Variants in AGBL1 observed in about 807,000 individuals in gnomAD.
AGBL1 encodes cytosolic carboxypeptidase 4.
Under a neutral mutation model 118.9 loss-of-function variants are expected in AGBL1, and 130 were observed. That is an observed-to-expected ratio of 1.09 (90% CI 0.95 to 1.26). AGBL1 has a LOEUF of 1.26. AGBL1 is among the 50% of genes most tolerant of loss of function. AGBL1 has a pLI of 0.00. For synonymous variants in AGBL1, 555 were observed against 478.9 expected (o/e 1.16, Z -2.08); for missense variants, 1,584 against 1,298.1 (o/e 1.22, Z -3.38).
chr15:86,209,088 A>C (rs1047458141), intron 5 of AGBL1, among the ~76,000 whole-genome samples: 1 of 152,184 alleles, frequency 6.6e-6, no homozygotes, highest in Non-Finnish European at 1.5e-5. Context: ...GTAGTCATTC[A>C]GGAGCAGGTT....
intron 21 of AGBL1, among the ~76,000 whole-genome samples, chr15:86,643,577 G>A (rs910094721): frequency 2.6e-5 from 4 of 151,818 alleles, no homozygotes; most frequent in Admixed American, 6.6e-5. Context: ...TAATTTTGGG[G>A]TTTTGTCTAT....
intron 22 of AGBL1, among the ~76,000 whole-genome samples, chr15:86,683,656 A>G (rs1596366685): frequency 6.6e-6 from 1 of 152,138 alleles, no homozygotes; most frequent in African/African-American, 2.4e-5. Context: ...AACTATAAAT[A>G]CCTGAAAATA....
At chr15:86,280,134 C>T (rs1314334213) in intron 16 of AGBL1, among the ~76,000 whole-genome samples, 4 of 147,730 alleles carry the variant, frequency 2.7e-5, no homozygotes, top group Non-Finnish European at 5.9e-5. Context: ...CAACACCATA[C>T]AAGTAAGCTG....
Position 86,908,395 on chromosome 15 carries a change from G to C in AGBL1, c.*1101G>C, listed in dbSNP as rs2080309222. 6.6e-6 allele frequency: 1 copy of C among 152,188 alleles called. No homozygotes were observed. The highest frequency in any genetic ancestry group is 2.4e-5 in the African/African-American group (1 of 41,428). 9.4% of individuals were successfully genotyped at this position (152,188 alleles called of 1,614,324 possible). A position where few individuals can be genotyped will look rare whatever the true frequency, so the allele number is the denominator to read the frequency against. On this transcript the variant is annotated 3_prime_UTR_variant, in exon 23 of 23. Coordinates refer to ENST00000614907, the MANE Select transcript of AGBL1 (RefSeq NM_001386094.1). ...GTGGTGGCGCACACCTGTAATCCCA[G>C]CTACTTGGGAGGCTGAGAAAGGAGA...
At chr15:86,191,008 A>C (rs922078520) in intron 5 of AGBL1, among the ~76,000 whole-genome samples, 1 of 152,148 alleles carries the variant, frequency 6.6e-6, no homozygotes, top group Non-Finnish European at 1.5e-5. Flanking sequence ...ATGCCAAAAC[A>C]ACAGAATGAG....
chr15:86,670,233 C>T (rs2085716945), intron 21 of AGBL1, among the ~76,000 whole-genome samples: 1 of 152,046 alleles, frequency 6.6e-6, no homozygotes, highest in Non-Finnish European at 1.5e-5. Flanking sequence ...CCCTGAAGGT[C>T]TCGATTAATT....
intron 21 of AGBL1, among the ~76,000 whole-genome samples, chr15:86,639,647 G>T (rs1255018972): frequency 1.3e-5 from 2 of 152,064 alleles, no homozygotes; most frequent in African/African-American, 2.4e-5. Context: ...CGGGTCTCTT[G>T]TCCTTTCTTC....
chr15:86,782,761 A>G (rs2078352807), intron 22 of AGBL1, among the ~76,000 whole-genome samples: 1 of 152,196 alleles, frequency 6.6e-6, no homozygotes, highest in African/African-American at 2.4e-5. Flanking sequence ...CATTTTTATA[A>G]ATGTTGAGAT....
At chr15:86,404,274 A>C (rs2081490903) in intron 18 of AGBL1, among the ~76,000 whole-genome samples, 1 of 151,874 alleles carries the variant, frequency 6.6e-6, no homozygotes, top group Non-Finnish European at 1.5e-5. Context: ...GATCCTGGAC[A>C]CTCTACCTTG....
At chr15:86,154,877 C>A (rs1242254607) in intron 4 of AGBL1, among the ~76,000 whole-genome samples, 1 of 152,126 alleles carries the variant, frequency 6.6e-6, no homozygotes, top group Non-Finnish European at 1.5e-5. Context: ...AGGTCTGTGA[C>A]AGGAGAAGGG....
chr15:86,951,238 T>G (rs2080877817), intron 23 of AGBL1, among the ~76,000 whole-genome samples: 1 of 152,216 alleles, frequency 6.6e-6, no homozygotes, highest in Non-Finnish European at 1.5e-5. Context: ...AGTGGAACTA[T>G]GAACTGGCAC....
At chr15:86,998,021 C>A (rs1472233703) in intron 24 of AGBL1, among the ~76,000 whole-genome samples, 1 of 150,906 alleles carries the variant, frequency 6.6e-6, no homozygotes, top group African/African-American at 2.4e-5. Flanking sequence ...ACACATTGAG[C>A]TATGTATATA....
chr15:86,160,327 A>G (rs775640007), intron 5 of AGBL1, among the ~76,000 whole-genome samples: 3 of 152,138 alleles, frequency 2.0e-5, no homozygotes, highest in Admixed American at 2.0e-4. Context: ...TCTGTCTTAA[A>G]TTTACATTTA....
At chr15:86,886,788 C>T (rs2079976738) in intron 22 of AGBL1, among the ~76,000 whole-genome samples, 2 of 152,104 alleles carry the variant, frequency 1.3e-5, no homozygotes, top group African/African-American at 4.8e-5. Context: ...CGGAGAACAG[C>T]AAGGCCCCAA....
At chr15:86,498,502 A>G (rs1049960874) in intron 18 of AGBL1, among the ~76,000 whole-genome samples, 1 of 151,902 alleles carries the variant, frequency 6.6e-6, no homozygotes, top group African/African-American at 2.4e-5. Flanking sequence ...ATGTTACCAT[A>G]TTTTTCTCCC....
At position 86,657,112 on chromosome 15, in the gene AGBL1, G is replaced by C. The variant is rs138453401; in HGVS notation, c.2995-17161G>C. ...ACCCTCACCTTCCTCGTTTCTCAGTGTGATTTCTTTTGCTAATATGCTCAC... is the reference window on the plus strand; with the variant it reads ...ACCCTCACCTTCCTCGTTTCTCAGTCTGATTTCTTTTGCTAATATGCTCAC... On this transcript the variant is annotated intron_variant, in intron 21 of 22. Transcript: ENST00000614907. Among the ~76,000 whole-genome samples the C allele has an allele frequency of 1.7e-4, 26 of 152,228 alleles. No homozygotes were observed. The East Asian group carries it at 5.0e-3, about 30-fold the overall frequency.
chr15:86,530,872 C>T (rs1007625474), intron 19 of AGBL1, among the ~76,000 whole-genome samples: 4 of 90,146 alleles, frequency 4.4e-5, no homozygotes, highest in Non-Finnish European at 6.2e-5. Context: ...GGGTACATAA[C>T]GAAATGAAGG....
intron 22 of AGBL1, among the ~76,000 whole-genome samples, chr15:86,899,159 C>A (rs1459766439): frequency 6.6e-6 from 1 of 152,108 alleles, no homozygotes; most frequent in Non-Finnish European, 1.5e-5. Context: ...CGATGATAGA[C>A]TGGGTAAAGA....
intron 21 of AGBL1, among the ~76,000 whole-genome samples, chr15:86,653,653 C>T (rs1032163631): frequency 7.9e-5 from 12 of 152,154 alleles, no homozygotes; most frequent in Non-Finnish European, 1.2e-4. Context: ...TGCCATCCCC[C>T]TAGTGACCAC....
Sources: allele counts gnomAD v4.1 joint callset (sites outside exome capture counted in the v4.1 genomes callset), GRCh38; gene constraint gnomAD v4.1.1; transcripts MANE v1.5; gene names NCBI Gene and HGNC (gene_info 2026-07-23, HGNC 2026-07-21).